AGAP1: variants seen among roughly 807,000 people sequenced by gnomAD.
AGAP1 encodes the protein arf-GAP with GTPase, ANK repeat and PH domain-containing protein 1.
A neutral mutation model predicts 105.3 loss-of-function variants in AGAP1; 29 were observed. The ratio of observed to expected loss-of-function variants is 0.28; its 90% CI spans 0.21 to 0.38. AGAP1 has a LOEUF of 0.38. AGAP1 is among the 10% of genes least tolerant of loss of function. AGAP1 has a pLI of 1.00. For synonymous variants in AGAP1, 509 were observed against 485.9 expected (o/e 1.05, Z -0.63); for missense variants, 998 against 1,165.1 (o/e 0.86, Z 2.09).
intron 1 of AGAP1, among the ~76,000 whole-genome samples, chr2:235,638,799 G>A (rs115921192): frequency 0.022 from 3,291 of 152,280 alleles, 47 homozygotes; most frequent in Middle Eastern, 0.037. Context: ...CAACCCAGGC[G>A]GAGGGCTGGC....
At chr2:235,675,849 T>C (rs1948708763) in intron 1 of AGAP1, among the ~76,000 whole-genome samples, 1 of 152,150 alleles carries the variant, frequency 6.6e-6, no homozygotes, top group African/African-American at 2.4e-5. Flanking sequence ...ATCTTTCTCT[T>C]TGATAAGTCA....
chr2:235,726,593 G>A (rs1043925146), intron 3 of AGAP1, among the ~76,000 whole-genome samples: 1 of 152,182 alleles, frequency 6.6e-6, no homozygotes, highest in Non-Finnish European at 1.5e-5. Context: ...CCTCCCGTCT[G>A]CCCATGTCTT....
rs1490841995 is a variant in AGAP1, at chr2:236,050,950, T to C, written c.2114+1669T>C. On this transcript the variant is annotated intron_variant, in intron 16 of 17. Coordinates refer to ENST00000304032, the MANE Select transcript of AGAP1 (RefSeq NM_001037131.3). The surrounding 1 kb of genome is among the most constrained non-coding windows in gnomAD (Gnocchi z 4.0). ...ATTTTGTAGTTCTAATTTGCATCCTTGAATTAAGTTCTTGAGTGCAGAGCC... is the reference window on the plus strand; with the variant it reads ...ATTTTGTAGTTCTAATTTGCATCCTCGAATTAAGTTCTTGAGTGCAGAGCC... 2.0e-5 allele frequency among the ~76,000 whole-genome samples: 3 copies of C among 152,258 alleles called. No homozygotes were observed. Among genetic ancestry groups the C allele is most frequent in the Non-Finnish European group, 2.9e-5 (2 of 68,042 alleles).
At chr2:235,587,299 G>C (rs77961570) in intron 1 of AGAP1, among the ~76,000 whole-genome samples, 3,817 of 152,266 alleles carry the variant, frequency 0.025, 159 homozygotes, top group African/African-American at 0.088. Flanking sequence ...CAAACAGCCA[G>C]AGAGTGACAG....
intron 16 of AGAP1, among the ~76,000 whole-genome samples, chr2:236,115,434 T>C (rs989491231): frequency 6.6e-6 from 1 of 152,206 alleles, no homozygotes; most frequent in African/African-American, 2.4e-5. Flanking sequence ...TCTCTAATGC[T>C]TAAGAGTGCA....
intron 1 of AGAP1, among the ~76,000 whole-genome samples, chr2:235,645,145 C>T (rs553289436): frequency 6.6e-6 from 1 of 152,308 alleles, no homozygotes; most frequent in African/African-American, 2.4e-5. Flanking sequence ...ATCTGCCCAC[C>T]TCAGCCTCCC....
rs1388391388 is a variant in AGAP1 at position 235,973,745 on chromosome 2, AC to A, written c.1645+5123del. ...TATTAAAAGCTCTAGAAAAAGCTCT[AC>A]GAACCAGGGCCACCTGAGAGGGAGT... On this transcript the variant is annotated intron_variant, in intron 13 of 17. Transcript: ENST00000304032. The surrounding 1 kb of genome is among the most constrained non-coding windows in gnomAD (Gnocchi z 4.7). Among the ~76,000 whole-genome samples the A allele has an allele frequency of 6.6e-6, 1 of 152,140 alleles. No individual in the cohort carries two copies. Among genetic ancestry groups the A allele is most frequent in the Non-Finnish European group, 1.5e-5 (1 of 68,020 alleles).
At position 235,919,815 on chromosome 2, in the gene AGAP1, C is replaced by A. The variant is rs370326171; in HGVS notation, c.1324+10909C>A. ...GGAAGACACCAAACAAAGAAAAATTCTTTTCTTCTCCGTCTTCACAATGCT... is the reference window on the plus strand; with the variant it reads ...GGAAGACACCAAACAAAGAAAAATTATTTTCTTCTCCGTCTTCACAATGCT... On this transcript the variant is annotated intron_variant, in intron 11 of 17. Coordinates refer to ENST00000304032, the MANE Select transcript of AGAP1 (RefSeq NM_001037131.3). This position sits in a 1 kb window ranked among gnomAD's most constrained non-coding sequence, Gnocchi z 4.1. 3.3e-5 allele frequency among the ~76,000 whole-genome samples: 5 copies of A among 152,254 alleles called. No homozygotes were observed. The South Asian group carries it at 8.3e-4, about 25-fold the overall frequency.
chr2:235,968,029 G>C (rs1368888721), intron 12 of AGAP1, among the ~76,000 whole-genome samples: 1 of 152,182 alleles, frequency 6.6e-6, no homozygotes, highest in Non-Finnish European at 1.5e-5. Flanking sequence ...CCCTTATCCT[G>C]TGCACCCACA....
intron 13 of AGAP1, among the ~76,000 whole-genome samples, chr2:236,034,981 C>T (rs2057335642): frequency 6.6e-6 from 1 of 152,194 alleles, no homozygotes; most frequent in Non-Finnish European, 1.5e-5. Context: ...CATATCCACC[C>T]AGCCAGAAAG....
intron 16 of AGAP1, among the ~76,000 whole-genome samples, chr2:236,094,765 ACAATGAAAAAGCCTGG>A (rs1346072885): frequency 6.6e-6 from 1 of 151,862 alleles, no homozygotes; most frequent in Non-Finnish European, 1.5e-5. Context: ...CATACCCAAA[ACAATGAAAAAGCCTGG>A]CACAGAAGAT....
chr2:235,625,758 T>C lies in AGAP1; in HGVS notation c.164-83421T>C, dbSNP rs1387439723. On this transcript the variant is annotated intron_variant, in intron 1 of 17. Transcript: ENST00000304032. The surrounding 1 kb of genome is among the most constrained non-coding windows in gnomAD (Gnocchi z 4.0). ...TTGTAGCTTCAGCTAGTACTTTTCA[T>C]TGTAATCATGGCTCAGGTTTCTAAG... Among the ~76,000 whole-genome samples the C allele has an allele frequency of 3.3e-5, 5 of 152,312 alleles. No homozygotes were observed. The East Asian group carries it at 5.8e-4, about 18-fold the overall frequency.
intron 6 of AGAP1, among the ~76,000 whole-genome samples, chr2:235,766,854 G>A (rs1954996547): frequency 1.3e-5 from 2 of 151,242 alleles, no homozygotes; most frequent in Non-Finnish European, 2.9e-5. Context: ...CAATTTTCAT[G>A]CCTCAGCCTC....
intron 1 of AGAP1, among the ~76,000 whole-genome samples, chr2:235,503,239 G>T (rs1015383143): frequency 1.5e-4 from 23 of 152,324 alleles, no homozygotes; most frequent in Non-Finnish European, 2.8e-4. Context: ...CATCCTGTTT[G>T]TGCGTTGAGC....
At chr2:235,523,522 G>T (rs896375273) in intron 1 of AGAP1, among the ~76,000 whole-genome samples, 1 of 152,146 alleles carries the variant, frequency 6.6e-6, no homozygotes, top group Non-Finnish European at 1.5e-5. Flanking sequence ...CTTGGTGCAG[G>T]TTCCTGTGCC....
chr2:235,639,161 C>A lies in AGAP1; in HGVS notation c.164-70018C>A, dbSNP rs571688574. 6.6e-5 allele frequency among the ~76,000 whole-genome samples: 10 copies of A among 152,050 alleles called. No individual in the cohort carries two copies. Among genetic ancestry groups the A allele is most frequent in the African/African-American group, 9.7e-5 (4 of 41,416 alleles). ...TGGATGTGGGGCATGGGGAATTGGA[C>A]GGATGATAGTGGCCCACAGGTTGAG... On this transcript the variant is annotated intron_variant, in intron 1 of 17. Coordinates refer to ENST00000304032, the MANE Select transcript of AGAP1 (RefSeq NM_001037131.3). The surrounding 1 kb of genome is among the most constrained non-coding windows in gnomAD (Gnocchi z 5.3).
At chr2:235,878,940 G>C (rs1159421281) in intron 9 of AGAP1, among the ~76,000 whole-genome samples, 3 of 152,198 alleles carry the variant, frequency 2.0e-5, no homozygotes, top group Non-Finnish European at 1.5e-5. Flanking sequence ...TGCTTTGGAA[G>C]GGGGAGCTGA....
chr2:235,521,524 G>A (rs1210821957), intron 1 of AGAP1, among the ~76,000 whole-genome samples: 1 of 152,014 alleles, frequency 6.6e-6, no homozygotes, highest in Non-Finnish European at 1.5e-5. Context: ...GCAAATACAT[G>A]CGAATGGGTA....
intron 13 of AGAP1, among the ~76,000 whole-genome samples, chr2:236,007,737 T>C (rs2056370433): frequency 6.6e-6 from 1 of 152,232 alleles, no homozygotes; most frequent in African/African-American, 2.4e-5. Flanking sequence ...TGTTTCCCAT[T>C]ATCACTCATT....
Sources: allele counts gnomAD v4.1 joint callset (sites outside exome capture counted in the v4.1 genomes callset), GRCh38; gene constraint gnomAD v4.1.1; non-coding constraint Gnocchi (gnomAD v3.1); transcripts MANE v1.5; gene names NCBI Gene and HGNC (gene_info 2026-07-23, HGNC 2026-07-21).